Variants in RBFOX1 observed in about 807,000 individuals in gnomAD.
RBFOX1 encodes the protein RNA binding fox-1 homolog 1, also known as RNA binding protein fox-1 homolog 1.
Under a neutral mutation model 57.7 loss-of-function variants are expected in RBFOX1, and 8 were observed. The observed-to-expected ratio is 0.14, with a 90% CI of 0.08 to 0.25. RBFOX1 has a LOEUF of 0.25. Ranked by LOEUF, RBFOX1 falls within the 10% of genes least tolerant of loss-of-function variation. The probability of loss-of-function intolerance (pLI) is 1.00; values close to 1 mark genes in which losing one functional copy is unlikely to be tolerated. For missense variants in RBFOX1, 611 were observed against 548.5 expected (o/e 1.11, Z -1.14); for synonymous variants, 326 against 222.4 (o/e 1.47, Z -4.15).
At chr16:5,682,915 A>G (rs867260951) in intron 3 of RBFOX1, among the ~76,000 whole-genome samples, 12 of 152,264 alleles carry the variant, frequency 7.9e-5, no homozygotes, top group Non-Finnish European at 1.5e-4. Context: ...GCAGACCCCA[A>G]AGCTCCCAGG....
intron 3 of RBFOX1, among the ~76,000 whole-genome samples, chr16:5,799,873 T>C (rs2055003589): frequency 1.3e-5 from 2 of 152,142 alleles, no homozygotes; most frequent in African/African-American, 2.4e-5. Context: ...GTATGTTTGA[T>C]TTTTTAAAAT....
intron 3 of RBFOX1, among the ~76,000 whole-genome samples, chr16:6,794,025 G>T (rs754746307): frequency 1.2e-4 from 18 of 152,120 alleles, no homozygotes; most frequent in Non-Finnish European, 2.5e-4. Flanking sequence ...AGGTAATGAA[G>T]CACGCTAGGG....
intron 3 of RBFOX1, among the ~76,000 whole-genome samples, chr16:5,729,857 A>C (rs1260543268): frequency 6.6e-6 from 1 of 152,176 alleles, no homozygotes; most frequent in Non-Finnish European, 1.5e-5. Context: ...ACCCTTGGCT[A>C]TTTTGAGGGA....
chr16:7,053,681 A>G (rs900236946), intron 4 of RBFOX1, among the ~76,000 whole-genome samples: 2 of 152,142 alleles, frequency 1.3e-5, no homozygotes, highest in Admixed American at 1.3e-4. Context: ...TCCATTGTCG[A>G]CAGGAGTGTG....
At chr16:6,034,350 A>AAG (rs1555481262) in intron 1 of RBFOX1, among the ~76,000 whole-genome samples, 24 of 142,336 alleles carry the variant, frequency 1.7e-4, no homozygotes, top group Non-Finnish European at 2.8e-4. Context: ...AAAAAAAAAA[A>AAG]AAAAAAAGAA....
chr16:5,785,858 C>A (rs1160302079), intron 3 of RBFOX1, among the ~76,000 whole-genome samples: 1 of 152,114 alleles, frequency 6.6e-6, no homozygotes, highest in East Asian at 1.9e-4. Context: ...AAAAATCTGC[C>A]TCTCTTCATT....
At chr16:6,060,131 T>G (rs1322628748) in intron 1 of RBFOX1, among the ~76,000 whole-genome samples, 5 of 11,998 alleles carry the variant, frequency 4.2e-4, no homozygotes, top group Admixed American at 1.8e-3. Flanking sequence ...GGTTTTTTTT[T>G]TTTTTTTTTT....
At chr16:6,302,852 A>C (rs1488023497) in intron 1 of RBFOX1, among the ~76,000 whole-genome samples, 1 of 152,118 alleles carries the variant, frequency 6.6e-6, no homozygotes, top group East Asian at 1.9e-4. Context: ...TTTTTAAGAC[A>C]TTTTTCAGAA....
rs1567215854 is a variant in RBFOX1, at chr16:6,780,317, T to TATATATTTATA, written c.-16+125667_-16+125668insATATATTTATA. On this transcript the variant is annotated intron_variant, in intron 3 of 15. Transcript: ENST00000550418. ...TATATTTATACATATATATATTTAT[T>TATATATTTATA]CATATTTATATATATTTATACATAT... Among the ~76,000 whole-genome samples the TATATATTTATA allele has an allele frequency of 3.4e-4, 26 of 77,120 alleles. 3 individuals carry two copies. Among genetic ancestry groups the TATATATTTATA allele is most frequent in the South Asian group, 1.0e-3 (2 of 1,922 alleles). 50.6% of individuals were successfully genotyped at this position (77,120 alleles called of 152,430 possible).
In RBFOX1 at chr16:5,740,834, C is replaced by T. The variant is rs112274154; in HGVS notation, c.319-126469C>T. ...AGTTTTAGTATGTCTTGTGGCGTCT[C>T]CTTGTCTCTGATGAGGATTATGTGC... On this transcript the variant is annotated intron_variant, in intron 3 of 19. Transcript: ENST00000641259. Among the ~76,000 whole-genome samples, 41 of 152,168 alleles carry T rather than the reference C, an allele frequency of 2.7e-4. 2 individuals are homozygous for T. Among genetic ancestry groups the T allele is most frequent in the African/African-American group, 9.6e-4 (40 of 41,508 alleles).
chr16:7,080,010 A>G (rs1001171142), intron 4 of RBFOX1, among the ~76,000 whole-genome samples: 5 of 143,222 alleles, frequency 3.5e-5, no homozygotes, highest in Non-Finnish European at 7.5e-5. Flanking sequence ...GTATATATAT[A>G]TACATATATA....
chr16:6,008,808 C>T (rs769299280), intron 4 of RBFOX1, among the ~76,000 whole-genome samples: 10 of 152,200 alleles, frequency 6.6e-5, no homozygotes, highest in East Asian at 3.9e-4. Flanking sequence ...GTGAACTGCT[C>T]CAGGAAAAAT....
chr16:7,646,801 T>C (rs538749835), intron 11 of RBFOX1, among the ~76,000 whole-genome samples: 2 of 152,366 alleles, frequency 1.3e-5, no homozygotes, highest in East Asian at 1.9e-4. Context: ...TTTGTGTTTT[T>C]TCTCTTGGGA....
At chr16:6,766,221 A>C (rs28481948) in intron 3 of RBFOX1, among the ~76,000 whole-genome samples, 15,929 of 152,092 alleles carry the variant, frequency 0.1, 941 homozygotes, top group African/African-American at 0.15. Context: ...GTCCAACCAG[A>C]ATTTGATTTC....
chr16:6,900,349 C>T (rs978208397), intron 3 of RBFOX1, among the ~76,000 whole-genome samples: 6 of 152,174 alleles, frequency 3.9e-5, no homozygotes, highest in African/African-American at 1.4e-4. Flanking sequence ...CCACAAAATC[C>T]TTTAGGGATC....
chr16:6,606,426 A>G (rs931850772), intron 2 of RBFOX1, among the ~76,000 whole-genome samples: 2 of 152,104 alleles, frequency 1.3e-5, no homozygotes, highest in Non-Finnish European at 2.9e-5. Flanking sequence ...ACACAGGTAA[A>G]CGTGTGCCAT....
rs541241486 is a variant in RBFOX1, at chr16:6,209,221, A to G, written c.-126-107774A>G. Among the ~76,000 whole-genome samples the G allele has an allele frequency of 4.6e-5, 7 of 152,316 alleles. No individual in the cohort carries two copies. The South Asian group carries it at 6.2e-4, about 14-fold the overall frequency. On this transcript the variant is annotated intron_variant, in intron 1 of 15. Transcript: ENST00000550418. The stretch of plus-strand genomic sequence containing the variant: ...TGAAGCTGCTGGAGAATGTGAAGGC[A>G]TCTTCACAAACAAGCAAAACACCAG...
chr16:6,371,952 TG>T (rs1236366306), intron 2 of RBFOX1, among the ~76,000 whole-genome samples: 1 of 152,216 alleles, frequency 6.6e-6, no homozygotes, highest in African/African-American at 2.4e-5. Flanking sequence ...TCATATTTTT[TG>T]TCATCTTTGT....
chr16:6,674,628 G>A (rs990870473), intron 3 of RBFOX1, among the ~76,000 whole-genome samples: 1 of 151,934 alleles, frequency 6.6e-6, no homozygotes, highest in African/African-American at 2.4e-5. Context: ...AGCCCGAATG[G>A]GCTCTTATAA....
Sources: allele counts gnomAD v4.1 joint callset (sites outside exome capture counted in the v4.1 genomes callset), GRCh38; gene constraint gnomAD v4.1.1; transcripts MANE v1.5; gene names NCBI Gene and HGNC (gene_info 2026-07-23, HGNC 2026-07-21).